Variants in KIF9 observed in about 807,000 individuals in gnomAD.
KIF9 encodes the protein kinesin family member 9, also known as kinesin-like protein KIF9.
In KIF9, 68 loss-of-function variants were observed where a neutral mutation model predicts 94.8. The observed-to-expected ratio is 0.72, with a 90% CI of 0.59 to 0.88. The LOEUF is 0.88. Ranked by LOEUF, KIF9 falls within the 40% of genes least tolerant of loss-of-function variation. The pLI is 0.00. For missense variants in KIF9, 882 were observed against 982.5 expected (o/e 0.90, Z 1.37); for synonymous variants, 343 against 362.1 (o/e 0.95, Z 0.60).
At chr3:47,240,245 C>T (rs1699366525) in intron 17 of KIF9, 2 of 230,996 alleles carry the variant, frequency 8.7e-6, no homozygotes, top group South Asian at 6.4e-5. Context: ...CCTGGAGCAC[C>T]CCCTGCCACC....
intron 9 of KIF9, among the ~76,000 whole-genome samples, chr3:47,262,500 C>T (rs1243422924): frequency 6.6e-6 from 1 of 152,122 alleles, no homozygotes; most frequent in Non-Finnish European, 1.5e-5. Context: ...AAACTCCTTA[C>T]CTCAAGGAGT....
chr3:47,248,197 G>A (rs1700050888), intron 10 of KIF9, 111 bp from the exon 11 acceptor site: 6 of 800,082 alleles, frequency 7.5e-6, no homozygotes, highest in Non-Finnish European at 8.5e-6. Context: ...AGACATCCTG[G>A]CCATTCCTGG....
intron 10 of KIF9, among the ~76,000 whole-genome samples, chr3:47,253,146 A>G (rs1005986058): frequency 6.6e-6 from 1 of 152,110 alleles, no homozygotes; most frequent in Non-Finnish European, 1.5e-5. Context: ...CATTGGCTTC[A>G]GGGGTGGTTT....
At chr3:47,260,959 G>A (rs534966095) in intron 9 of KIF9, among the ~76,000 whole-genome samples, 3 of 152,236 alleles carry the variant, frequency 2.0e-5, no homozygotes, top group Admixed American at 1.3e-4. Flanking sequence ...TGCTCTGGGA[G>A]GAGGCTCAGT....
chr3:47,232,520 G>A (rs9873760), intron 20 of KIF9, among the ~76,000 whole-genome samples: 1 of 151,552 alleles, frequency 6.6e-6, no homozygotes, highest in African/African-American at 2.4e-5. Flanking sequence ...CCCGACCTTA[G>A]GTGATCCACT....
chr3:47,242,428 A>T (rs1013045850), intron 16 of KIF9, among the ~76,000 whole-genome samples: 1 of 152,158 alleles, frequency 6.6e-6, no homozygotes, highest in African/African-American at 2.4e-5. Flanking sequence ...AAATTGTAGA[A>T]TTGGGAGGAT....
intron 2 of KIF9, among the ~76,000 whole-genome samples, chr3:47,276,148 G>C (rs1392372431): frequency 2.6e-5 from 4 of 152,210 alleles, no homozygotes; most frequent in Non-Finnish European, 4.4e-5. Context: ...GTCAGTGGTA[G>C]ATTCCAATCT....
intron 10 of KIF9, among the ~76,000 whole-genome samples, chr3:47,249,951 A>C (rs1700163047): frequency 6.6e-6 from 1 of 152,190 alleles, no homozygotes; most frequent in Admixed American, 6.5e-5. Context: ...AGAGAGGCTA[A>C]GGCAGGAGAA....
chr3:47,281,483 G>A (rs550654434), intron 1 of KIF9, among the ~76,000 whole-genome samples: 3 of 152,274 alleles, frequency 2.0e-5, no homozygotes, highest in Non-Finnish European at 4.4e-5. Flanking sequence ...AAGTAGCTAG[G>A]ACTACAGGCG....
At chr3:47,255,980 T>A (rs1700556613) in intron 10 of KIF9, among the ~76,000 whole-genome samples, 1 of 152,246 alleles carries the variant, frequency 6.6e-6, no homozygotes, top group African/African-American at 2.4e-5. Context: ...CGGGCTGGTC[T>A]CCAGCTCCTA....
Position 47,236,215 on chromosome 3 carries a change from A to C in KIF9, c.2102-66T>G, listed in dbSNP as rs567961277. On this transcript the variant is annotated intron_variant, in intron 18 of 20. Coordinates refer to ENST00000684063, the MANE Select transcript of KIF9 (RefSeq NM_182902.4). ...AGGGCTGTGTGCTGTCATCTGTCTT[A>C]TATCTGTTGCAGGCTCACCATCTGT... 131 of 1,252,030 alleles carry C rather than the reference A, an allele frequency of 1.0e-4. 1 individual carries two copies. The East Asian group carries it at 2.9e-3, about 27-fold the overall frequency. The allele number at this position is 1,252,030 out of a possible 1,614,324, so 77.6% of individuals were successfully genotyped here.
intron 9 of KIF9, among the ~76,000 whole-genome samples, chr3:47,262,750 A>G (rs1321846579): frequency 6.6e-6 from 1 of 152,096 alleles, no homozygotes; most frequent in African/African-American, 2.4e-5. Context: ...CAGCTGCGAG[A>G]CCCTGCAGGC....
intron 7 of KIF9, chr3:47,266,125 T>G: frequency 2.4e-6 from 1 of 420,128 alleles, no homozygotes; most frequent in Non-Finnish European, 4.3e-6. Context: ...AATGCTTACA[T>G]GAATATTCAT....
At chr3:47,261,426 C>T (rs1454025946) in intron 9 of KIF9, among the ~76,000 whole-genome samples, 1 of 152,234 alleles carries the variant, frequency 6.6e-6, no homozygotes, top group Non-Finnish European at 1.5e-5. Flanking sequence ...TGCCATGCCT[C>T]ATTGCTTGGA....
rs779421954 is a variant in KIF9 at position 47,271,308 on chromosome 3, C to T, written c.520G>A (p.Gly174Arg). ...TPMTIVENPQ[G>R]VFIKGLSVHL... is the part of the protein sequence containing the mutation. Reference sequence around the variant, plus strand: ...ACTGACAAGCCCTTAATGAAGACTCCTTGAGGGTTTTCCACGATGGTCATT... The same window carrying T: ...ACTGACAAGCCCTTAATGAAGACTCTTTGAGGGTTTTCCACGATGGTCATT... Residue 174 changes from glycine to arginine, a missense_variant, in exon 5 of 21, where the codon GGA (glycine) becomes AGA (arginine). By Grantham distance (125) the Gly-to-Arg change is moderately radical. Transcript: ENST00000684063. 1.2e-6 allele frequency: 2 copies of T among 1,614,034 alleles called. No individual in the cohort carries two copies. The highest frequency in any genetic ancestry group is 2.2e-5 in the South Asian group (2 of 91,066).
intron 10 of KIF9, among the ~76,000 whole-genome samples, chr3:47,255,234 C>A (rs958357194): frequency 6.6e-6 from 1 of 152,136 alleles, no homozygotes; most frequent in African/African-American, 2.4e-5. Context: ...TACACTTTGA[C>A]CAGAAGTGGA....
intron 10 of KIF9, among the ~76,000 whole-genome samples, chr3:47,252,196 C>A (rs1484519658): frequency 6.6e-6 from 1 of 152,182 alleles, no homozygotes; most frequent in Non-Finnish European, 1.5e-5. Context: ...AAGAAAAATG[C>A]TTATCAGAAA....
At position 47,244,791 on chromosome 3, in the gene KIF9, C is replaced by G; in HGVS notation, c.1514G>C (p.Ser505Thr). The change falls in exon 15 of 21, where the codon AGC (serine) becomes ACC (threonine). Residue 505 changes from serine (S) to threonine (T), a missense_variant and splice_region_variant. By Grantham distance (58) the Ser-to-Thr change is moderately conservative. Transcript: ENST00000684063. ...GAGGCAGAGCGGCAAGGTCACTCAC[C>G]TGAGTGGCTCTTTGAATGTCTTCTT... The part of the protein sequence containing the change: ...KSKKTFKEPL[S>T]SLARKEGASS... 6.2e-7 allele frequency: 1 copy of G among 1,613,786 alleles called. No individual in the cohort carries two copies. Among genetic ancestry groups the G allele is most frequent in the Non-Finnish European group, 8.5e-7 (1 of 1,179,996 alleles).
intron 17 of KIF9, among the ~76,000 whole-genome samples, chr3:47,237,744 T>C (rs950588148): frequency 6.6e-6 from 1 of 152,120 alleles, no homozygotes; most frequent in Non-Finnish European, 1.5e-5. Flanking sequence ...CTGATGTTTA[T>C]TGAGAAAAAA....
Sources: allele counts gnomAD v4.1 joint callset (sites outside exome capture counted in the v4.1 genomes callset), GRCh38; gene constraint gnomAD v4.1.1; transcripts MANE v1.5; gene names NCBI Gene and HGNC (gene_info 2026-07-23, HGNC 2026-07-21).